PPHLN1: variants seen among roughly 807,000 people sequenced by gnomAD.
PPHLN1 encodes the protein periphilin 1, also known as periphilin-1.
Under a neutral mutation model 51.3 loss-of-function variants are expected in PPHLN1, and 29 were observed. The ratio of observed to expected loss-of-function variants is 0.57; its 90% CI spans 0.42 to 0.77. PPHLN1 has a LOEUF of 0.77. PPHLN1 is among the 30% of genes least tolerant of loss of function. PPHLN1 has a pLI of 0.00. For missense variants in PPHLN1, 436 were observed against 438.4 expected, an observed-to-expected ratio of 0.99 and a Z score of 0.05; for synonymous variants, 147 against 147.8, an observed-to-expected ratio of 0.99 and a Z score of 0.04.
At chr12:42,366,722 T>C (rs545959776) in intron 4 of PPHLN1, among the ~76,000 whole-genome samples, 2 of 152,204 alleles carry the variant, frequency 1.3e-5, no homozygotes, top group African/African-American at 2.4e-5. Context: ...TTTAGAACTT[T>C]CCTGGAGGCT....
At chr12:42,442,508 G>C (rs545060640), downstream of PPHLN1, 3 of 1,284,700 alleles carry the variant, frequency 2.3e-6, no homozygotes, top group African/African-American at 3.0e-5. Flanking sequence ...TGTCTGTACC[G>C]AATAAATACA....
At chr12:42,342,839 T>C (rs2137966632) in intron 2 of PPHLN1, among the ~76,000 whole-genome samples, 1 of 152,368 alleles carries the variant, frequency 6.6e-6, no homozygotes, top group East Asian at 1.9e-4. Context: ...GTGGTAAATA[T>C]GAGTTACATA....
chr12:42,353,773 G>T (rs2073696956), intron 3 of PPHLN1, among the ~76,000 whole-genome samples: 1 of 152,074 alleles, frequency 6.6e-6, no homozygotes, highest in Non-Finnish European at 1.5e-5. Flanking sequence ...TCCTATGTGA[G>T]TTTTCTATTC....
At chr12:42,415,092 A>G (rs2080250112) in intron 9 of PPHLN1, among the ~76,000 whole-genome samples, 1 of 152,214 alleles carries the variant, frequency 6.6e-6, no homozygotes, top group Non-Finnish European at 1.5e-5. Flanking sequence ...ACGTGGACCT[A>G]TGCTTACAAA....
chr12:42,436,872 T>C (rs1486759748), intron 9 of PPHLN1, among the ~76,000 whole-genome samples: 1 of 152,242 alleles, frequency 6.6e-6, no homozygotes, highest in Non-Finnish European at 1.5e-5. Flanking sequence ...TGTTTGTTTC[T>C]GGAGTTTTCC....
intron 7 of PPHLN1, 55 bp downstream of exon 7, chr12:42,387,590 G>C: frequency 6.3e-7 from 1 of 1,579,990 alleles, no homozygotes; most frequent in South Asian, 1.2e-5. Flanking sequence ...GAGATGGACT[G>C]ACTAGTACAG....
chr12:42,355,345 C>G (rs1242982852), intron 4 of PPHLN1, 123 bp downstream of exon 4: 1 of 802,150 alleles, frequency 1.2e-6, no homozygotes, highest in Non-Finnish European at 2.1e-6. Context: ...ATTTTGAAAG[C>G]AACAAGCATT....
At chr12:42,417,307 AAC>A (rs1030316621) in intron 9 of PPHLN1, among the ~76,000 whole-genome samples, 9 of 152,222 alleles carry the variant, frequency 5.9e-5, no homozygotes, top group African/African-American at 2.2e-4. Flanking sequence ...AATTCGGAGA[AAC>A]ACTTTTCTGA....
chr12:42,438,309 G>C (rs1400473175), intron 9 of PPHLN1, among the ~76,000 whole-genome samples: 3 of 152,102 alleles, frequency 2.0e-5, no homozygotes, highest in Non-Finnish European at 2.9e-5. Flanking sequence ...GAGTTCTGTG[G>C]CTCTACATTT....
chr12:42,432,269 C>A (rs2082102576), intron 9 of PPHLN1: 1 of 765,206 alleles, frequency 1.3e-6, no homozygotes. Flanking sequence ...GCCCTGACAA[C>A]CTCTGCCTCT....
chr12:42,386,678 A>G (rs2077219571), intron 6 of PPHLN1, among the ~76,000 whole-genome samples: 1 of 152,230 alleles, frequency 6.6e-6, no homozygotes, highest in Admixed American at 6.5e-5. Flanking sequence ...TGGCACATAT[A>G]GACAATTTAA....
intron 4 of PPHLN1, among the ~76,000 whole-genome samples, chr12:42,373,946 G>T (rs1266116487): frequency 6.6e-6 from 1 of 152,080 alleles, no homozygotes; most frequent in Admixed American, 6.5e-5. Context: ...AGAGTTTTTT[G>T]GTGTGTAGTG....
intron 9 of PPHLN1, among the ~76,000 whole-genome samples, chr12:42,410,525 C>T (rs1242081267): frequency 6.6e-6 from 1 of 152,120 alleles, no homozygotes; most frequent in East Asian, 1.9e-4. Flanking sequence ...ATTTGGAATT[C>T]CTTGCATATC....
At chr12:42,446,088 CGCAGCCCCT>C (rs761718021), downstream of PPHLN1, 14 of 1,551,458 alleles carry the variant, frequency 9.0e-6, 1 homozygote, top group Non-Finnish European at 1.2e-5. Flanking sequence ...CCGCAGGCCC[CGCAGCCCCT>C]GCAGCCCCGG....
chr12:42,373,303 A>G (rs185919551), intron 4 of PPHLN1, among the ~76,000 whole-genome samples: 163 of 140,684 alleles, frequency 1.2e-3, no homozygotes, highest in African/African-American at 3.8e-3. Flanking sequence ...AACTAGTGCT[A>G]GAATTCCTTA....
chr12:42,367,041 A>G (rs893140236), intron 4 of PPHLN1, among the ~76,000 whole-genome samples: 10 of 152,204 alleles, frequency 6.6e-5, no homozygotes, highest in African/African-American at 2.4e-4. Context: ...AAAATGTTGC[A>G]GAATGCTTTT....
intron 5 of PPHLN1, among the ~76,000 whole-genome samples, chr12:42,378,985 G>A (rs1428732853): frequency 6.6e-6 from 1 of 151,448 alleles, no homozygotes; most frequent in Non-Finnish European, 1.5e-5. Flanking sequence ...TTCTCCCTGT[G>A]TATTATGATA....
At chr12:42,425,081 TGTAC>T (rs934718064) in intron 9 of PPHLN1, among the ~76,000 whole-genome samples, 10 of 151,314 alleles carry the variant, frequency 6.6e-5, no homozygotes, top group African/African-American at 1.2e-4. Flanking sequence ...TATGTATGTA[TGTAC>T]TTGTTTATTT....
At chr12:42,376,719 T>C (rs920590244) in intron 5 of PPHLN1, among the ~76,000 whole-genome samples, 4 of 151,924 alleles carry the variant, frequency 2.6e-5, no homozygotes, top group African/African-American at 9.7e-5. Context: ...GCCCAGGAGG[T>C]TGAACCTGCA....
Sources: gnomAD v4.1 joint callset for allele counts (sites outside exome capture counted in the v4.1 genomes callset) on GRCh38, gnomAD v4.1.1 for gene constraint, MANE v1.5 for transcripts, NCBI Gene and HGNC (gene_info 2026-07-23, HGNC 2026-07-21) for gene names.